CCDC92B: variants seen among roughly 807,000 people sequenced by gnomAD.
CCDC92B encodes the protein coiled-coil domain containing 92B.
Under a neutral mutation model 5.6 loss-of-function variants are expected in CCDC92B, and 2 were observed. That is an observed-to-expected ratio of 0.36 (90% confidence interval 0.15 to 1.12). CCDC92B has a LOEUF of 1.12. Ranked by LOEUF, CCDC92B falls within the 50% of genes most tolerant of loss-of-function variation. The pLI is 0.40. For synonymous variants in CCDC92B, 115 were observed against 122.3 expected (o/e 0.94, Z 0.39); for missense variants, 271 against 262.2 (o/e 1.03, Z -0.23).
At chr17:2,727,085 T>C (rs2151737158) in intron 3 of CCDC92B, among the ~76,000 whole-genome samples, 1 of 152,224 alleles carries the variant, frequency 6.6e-6, no homozygotes, top group African/African-American at 2.4e-5. Flanking sequence ...TTTTGCCATG[T>C]TGCCTGGGCT....
intron 3 of CCDC92B, among the ~76,000 whole-genome samples, chr17:2,726,904 C>T (rs900868879): frequency 6.6e-5 from 10 of 150,980 alleles, no homozygotes; most frequent in East Asian, 1.9e-4. Flanking sequence ...TGAGCCACCA[C>T]GCCCAGCCCT....
intron 1 of CCDC92B, among the ~76,000 whole-genome samples, chr17:2,744,639 G>C (rs995310163): frequency 1.3e-5 from 2 of 152,178 alleles, no homozygotes; most frequent in Non-Finnish European, 2.9e-5. Flanking sequence ...AGTGGGTGAA[G>C]TTGTGGGGAT....
In CCDC92B at chr17:2,725,042, C is replaced by T. The variant is rs1347569042; in HGVS notation, c.179-42G>A. 6.1e-6 allele frequency: 6 copies of T among 985,026 alleles called. No homozygotes were observed. In the East Asian group the frequency reaches 6.9e-4, roughly 113 times the overall value. 61.0% of individuals were successfully genotyped at this position (985,026 alleles called of 1,614,324 possible). A position where few individuals can be genotyped will look rare whatever the true frequency, so the allele number is the denominator to read the frequency against. On this transcript the variant is annotated intron_variant, in intron 3 of 3. Transcript: ENST00000614400. ...GCCAGAGGTGACGGTCTCCCCCTGG[C>T]TTGGAACAGAACCTGCACGGCTCAG...
chr17:2,728,581 C>T (rs374899495), intron 3 of CCDC92B, among the ~76,000 whole-genome samples: 10 of 148,254 alleles, frequency 6.7e-5, no homozygotes, highest in African/African-American at 2.2e-4. Flanking sequence ...CCAGCCTGGG[C>T]GACAGAGCGA....
Position 2,724,828 on chromosome 17 carries a change from G to A in CCDC92B, c.351C>T (p.Arg117=), listed in dbSNP as rs973396879. The part of the protein sequence containing the change: ...TEERRFLEEL[R]RRSHRATVLG... Reference sequence around the variant, plus strand: ...GCACGGTGGCGCGGTGGCTGCGGCGGCGCAGCTCCTCCAGGAAGCGGCGCT... The same window carrying A: ...GCACGGTGGCGCGGTGGCTGCGGCGACGCAGCTCCTCCAGGAAGCGGCGCT... Residue 117 remains arginine (R), a synonymous_variant, in exon 4 of 4, where the codon CGC becomes CGT. Transcript: ENST00000614400. The surrounding 1 kb of genome is among the most constrained non-coding windows in gnomAD (Gnocchi z 5.0). 9 of 984,850 alleles carry A rather than the reference G, an allele frequency of 9.1e-6. No homozygotes were observed. The African/African-American group carries it at 1.2e-4, about 13-fold the overall frequency. 61.0% of individuals were successfully genotyped at this position (984,850 alleles called of 1,614,324 possible).
In CCDC92B at chr17:2,748,104, G is replaced by A. The variant is rs139010443; in HGVS notation, c.-24+1307C>T. Reference sequence around the variant, plus strand: ...GGCTTCTCATAAGAGAATCCCAAAGGGGAGAAGATCAGCCTGCATTTAGCA... The same window carrying A: ...GGCTTCTCATAAGAGAATCCCAAAGAGGAGAAGATCAGCCTGCATTTAGCA... On this transcript the variant is annotated intron_variant, in intron 1 of 3. Transcript: ENST00000614400. 676 of 529,264 alleles carry A rather than the reference G, an allele frequency of 1.3e-3. 1 individual carries two copies. The highest frequency in any genetic ancestry group is 1.9e-3 in the Non-Finnish European group (505 of 260,488). The allele number at this position is 529,264 out of a possible 1,614,324, so 32.8% of individuals were successfully genotyped here. A position where few individuals can be genotyped will look rare whatever the true frequency, so the allele number is the denominator to read the frequency against.
chr17:2,727,785 C>T (rs1021158086), intron 3 of CCDC92B, among the ~76,000 whole-genome samples: 8 of 150,136 alleles, frequency 5.3e-5, no homozygotes, highest in East Asian at 2.0e-4. Flanking sequence ...GATCGCGCCA[C>T]TGCACTCCAG....
chr17:2,749,329 G>T (rs1179255562), intron 1 of CCDC92B, 82 bp downstream of exon 1: 1 of 151,934 alleles, frequency 6.6e-6, no homozygotes, highest in Middle Eastern at 3.2e-3. Context: ...CCTCCCGGGG[G>T]AGCTGGAGCT....
At position 2,723,336 on chromosome 17, in the gene CCDC92B, T is replaced by C. The variant is rs2005805; in HGVS notation, c.*1075A>G. The C allele has an allele frequency of 0.92, 140,687 of 152,246 alleles. 66,018 individuals are homozygous for C. Among genetic ancestry groups the C allele is most frequent in the Non-Finnish European group, 1 (68,078 of 68,150 alleles). 9.4% of individuals were successfully genotyped at this position (152,246 alleles called of 1,614,324 possible). A position where few individuals can be genotyped will look rare whatever the true frequency, so the allele number is the denominator to read the frequency against. On this transcript the variant is annotated 3_prime_UTR_variant, in exon 4 of 4. Transcript: ENST00000614400. ...TCCGGAGTAGCTGGGATTACAGGCG[T>C]GCACCACCACGCCCGGCTAATTTTT...
intron 1 of CCDC92B, among the ~76,000 whole-genome samples, chr17:2,737,239 T>G (rs1428781024): frequency 6.6e-6 from 1 of 152,090 alleles, no homozygotes; most frequent in Non-Finnish European, 1.5e-5. Context: ...GCCCCTGGAA[T>G]GTCCTGGGCA....
At chr17:2,749,323 C>G (rs1597249764) in intron 1 of CCDC92B, 88 bp downstream of exon 1, 1 of 152,228 alleles carries the variant, frequency 6.6e-6, no homozygotes, top group East Asian at 2.0e-4. Context: ...GCCAGCCCTC[C>G]CGGGGGAGCT....
chr17:2,732,896 C>T (rs1175305497), intron 2 of CCDC92B, among the ~76,000 whole-genome samples: 1 of 151,526 alleles, frequency 6.6e-6, no homozygotes, highest in Non-Finnish European at 1.5e-5. Flanking sequence ...GCCTGTAGTC[C>T]CAGCTACTCG....
rs777348880 is a variant in CCDC92B, at chr17:2,745,017, A to G, written c.-24+4394T>C. Among the ~76,000 whole-genome samples, 109 of 133,010 alleles carry G rather than the reference A, an allele frequency of 8.2e-4. 2 individuals are homozygous for G. Among genetic ancestry groups the G allele is most frequent in the Non-Finnish European group, 1.4e-3 (90 of 63,496 alleles). The allele number at this position is 133,010 out of a possible 152,430, so 87.3% of individuals were successfully genotyped here. A position where few individuals can be genotyped will look rare whatever the true frequency, so the allele number is the denominator to read the frequency against. ...GAGTTTGAGGCTTCAGTGAGCCATG[A>G]TTGCACCACTGCATTCCAGCTTGGG... is the stretch of plus-strand genomic sequence containing the variant. On this transcript the variant is annotated intron_variant, in intron 1 of 3. Coordinates refer to ENST00000614400, the MANE Select transcript of CCDC92B (RefSeq NM_001355573.2).
At chr17:2,740,075 G>A (rs1037002752) in intron 1 of CCDC92B, among the ~76,000 whole-genome samples, 5 of 152,086 alleles carry the variant, frequency 3.3e-5, no homozygotes, top group Non-Finnish European at 7.3e-5. Flanking sequence ...ATAAAGAGGG[G>A]AACCTGCTTT....
Position 2,745,246 on chromosome 17 carries a change from G to A in CCDC92B, c.-24+4165C>T, listed in dbSNP as rs547597277. On this transcript the variant is annotated intron_variant, in intron 1 of 3. Transcript: ENST00000614400. ...CAAGGAGTACGTGTGTGTGTTTCCC[G>A]ATTCTCTTTGCTGCTGTGTGTCTGC... 4.3e-3 allele frequency among the ~76,000 whole-genome samples: 649 copies of A among 152,046 alleles called. 2 individuals are homozygous for A. The highest frequency in any genetic ancestry group is 0.01 in the Middle Eastern group (3 of 294).
intron 2 of CCDC92B, among the ~76,000 whole-genome samples, chr17:2,731,113 G>T (rs1307003404): frequency 6.6e-6 from 1 of 152,184 alleles, no homozygotes; most frequent in Admixed American, 6.5e-5. Flanking sequence ...GAAGGGCTTC[G>T]AGCAGGACGG....
intron 1 of CCDC92B, among the ~76,000 whole-genome samples, chr17:2,746,380 G>A (rs2070986662): frequency 6.6e-6 from 1 of 152,192 alleles, no homozygotes. Flanking sequence ...ACAATTTATA[G>A]GATTAATTCC....
intron 2 of CCDC92B, among the ~76,000 whole-genome samples, chr17:2,732,588 G>T (rs1004087791): frequency 1.6e-4 from 25 of 152,148 alleles, no homozygotes; most frequent in Admixed American, 1.2e-3. Context: ...ATGGTGGCGG[G>T]CACCTGTAAT....
At chr17:2,730,777 C>T (rs1031753086) in intron 2 of CCDC92B, among the ~76,000 whole-genome samples, 1 of 152,082 alleles carries the variant, frequency 6.6e-6, no homozygotes, top group African/African-American at 2.4e-5. Flanking sequence ...GAGTTTAGTT[C>T]ACCCCTCGTG....
Sources: gnomAD v4.1 joint callset for allele counts (sites outside exome capture counted in the v4.1 genomes callset) on GRCh38, gnomAD v4.1.1 for gene constraint, Gnocchi (gnomAD v3.1) non-coding constraint, MANE v1.5 for transcripts, NCBI Gene and HGNC (gene_info 2026-07-23, HGNC 2026-07-21) for gene names.